The following NAA38 variants were observed in gnomAD, a reference collection of about 807,000 sequenced individuals.
The protein encoded by NAA38 is LSM domain containing 1.
NAA38 carries 15 observed loss-of-function variants against 12.6 expected under a neutral mutation model. The observed-to-expected ratio is 1.19, with a 90% CI of 0.79 to 1.83. NAA38 has a LOEUF of 1.83. Among genes scored for constraint, NAA38 ranks in the 40% most tolerant of loss-of-function variants. The probability of loss-of-function intolerance (pLI) is 0.00; values close to 1 mark genes in which losing one functional copy is unlikely to be tolerated. For missense variants in NAA38, 183 were observed against 171.7 expected (o/e 1.07, Z -0.37); for synonymous variants, 88 against 69.9 (o/e 1.26, Z -1.29).
upstream of NAA38, chr17:7,858,048 G>A: frequency 6.4e-7 from 1 of 1,561,774 alleles, no homozygotes; most frequent in African/African-American, 1.4e-5. Flanking sequence ...TCGGCTCCCG[G>A]ACGCGACGGA....
intron 2 of NAA38, among the ~76,000 whole-genome samples, chr17:7,870,169 G>A (rs1967061823): frequency 6.6e-6 from 1 of 152,142 alleles, no homozygotes; most frequent in South Asian, 2.1e-4. Context: ...AGCTGAGGTG[G>A]GAGGATTGCT....
chr17:7,875,128 G>A (rs78873445), intron 2 of NAA38, among the ~76,000 whole-genome samples: 1 of 151,868 alleles, frequency 6.6e-6, no homozygotes, highest in Non-Finnish European at 1.5e-5. Flanking sequence ...CTAGGAGTTC[G>A]AGGCTGCAGT....
intron 3 of NAA38, chr17:7,864,707 G>C (rs1966932826): frequency 6.6e-6 from 1 of 152,074 alleles, no homozygotes; most frequent in Non-Finnish European, 1.5e-5. Flanking sequence ...AGATAAGCCT[G>C]GCCAACACAG....
intron 2 of NAA38, among the ~76,000 whole-genome samples, chr17:7,882,694 A>G (rs1009748997): frequency 6.6e-6 from 1 of 152,230 alleles, no homozygotes; most frequent in Admixed American, 6.5e-5. Flanking sequence ...GTTAAAAAAA[A>G]AAGAGATGGA....
At chr17:7,881,049 G>A (rs1039441074) in intron 2 of NAA38, among the ~76,000 whole-genome samples, 1 of 152,126 alleles carries the variant, frequency 6.6e-6, no homozygotes, top group African/African-American at 2.4e-5. Flanking sequence ...GTAGGGAGGA[G>A]TACAGCAAAA....
At chr17:7,870,920 TCTCA>T (rs1967075577) in intron 2 of NAA38, among the ~76,000 whole-genome samples, 1 of 148,256 alleles carries the variant, frequency 6.7e-6, no homozygotes, top group African/African-American at 2.5e-5. Flanking sequence ...AGAAACGGGG[TCTCA>T]CTATGTTGCC....
intron 2 of NAA38, among the ~76,000 whole-genome samples, chr17:7,873,106 C>T (rs978419981): frequency 3.3e-5 from 5 of 152,132 alleles, no homozygotes; most frequent in Non-Finnish European, 7.4e-5. Flanking sequence ...TAGGGCTTCA[C>T]AAAAAGACTT....
upstream of NAA38, chr17:7,858,610 G>GC (rs1395219166): frequency 6.2e-6 from 10 of 1,605,160 alleles, no homozygotes; most frequent in Middle Eastern, 1.7e-4. Context: ...TTAAAGATCC[G>GC]CAAGCACATA....
intron 3 of NAA38, chr17:7,863,444 T>G (rs1458146800): frequency 6.6e-6 from 1 of 152,188 alleles, no homozygotes; most frequent in Admixed American, 6.5e-5. Flanking sequence ...GTGAGGTCCC[T>G]ACATGCCCAC....
At chr17:7,857,907 G>GC (rs2078843795), upstream of NAA38, 3 of 1,413,682 alleles carry the variant, frequency 2.1e-6, no homozygotes, top group African/African-American at 1.4e-5. Flanking sequence ...ATCCTTATAT[G>GC]CCCCACGCGG....
upstream of NAA38, chr17:7,858,648 T>G (rs760888876): frequency 7.5e-6 from 12 of 1,608,822 alleles, no homozygotes; most frequent in Non-Finnish European, 1.0e-5. Flanking sequence ...CCTGAGGTAC[T>G]GCACCCCGCG....
At chr17:7,860,808 CTTCT>C (rs1238927860), upstream of NAA38, 2 of 152,086 alleles carry the variant, frequency 1.3e-5, no homozygotes, top group Non-Finnish European at 2.9e-5. Flanking sequence ...ATTGGGGCTA[CTTCT>C]TTGTTAATCC....
intron 3 of NAA38, chr17:7,865,764 A>C (rs1484411013): frequency 6.6e-6 from 1 of 152,122 alleles, no homozygotes. Context: ...GATGCACTGG[A>C]GGTAAAAGGG....
intron 3 of NAA38, chr17:7,866,360 G>A (rs1252981445): frequency 2.3e-5 from 13 of 571,898 alleles, no homozygotes; most frequent in South Asian, 8.9e-5. Flanking sequence ...CGCCCGCCTC[G>A]GCCTCCCAGA....
chr17:7,885,043 G>A (rs1044723012), intron 1 of NAA38: 35 of 1,088,740 alleles, frequency 3.2e-5, no homozygotes, highest in East Asian at 5.4e-5. Context: ...CGCCGCCGCC[G>A]CCGCCACCGC....
At chr17:7,858,167 CTT>C (rs2078847995), upstream of NAA38, 27 of 1,613,792 alleles carry the variant, frequency 1.7e-5, no homozygotes, top group Non-Finnish European at 2.2e-5. Flanking sequence ...CTGGGCCAGA[CTT>C]GGAGTATTTT....
chr17:7,882,521 A>C (rs1196891804), intron 2 of NAA38, among the ~76,000 whole-genome samples: 3 of 152,108 alleles, frequency 2.0e-5, no homozygotes, highest in Non-Finnish European at 4.4e-5. Flanking sequence ...AATAGAGAGA[A>C]GCCCACAATA....
chr17:7,881,851 T>TAG (rs551499066), intron 2 of NAA38, among the ~76,000 whole-genome samples: 4 of 147,802 alleles, frequency 2.7e-5, no homozygotes, highest in Non-Finnish European at 4.5e-5. Flanking sequence ...GACAGATGGC[T>TAG]AGAGAGAGAG....
chr17:7,874,976 G>A (rs1021662596), intron 2 of NAA38, among the ~76,000 whole-genome samples: 2 of 151,162 alleles, frequency 1.3e-5, no homozygotes, highest in Non-Finnish European at 1.5e-5. Context: ...TGGGAGGATC[G>A]CTTGAGGCCA....
Sources: gnomAD v4.1 joint callset for allele counts (sites outside exome capture counted in the v4.1 genomes callset) on GRCh38, gnomAD v4.1.1 for gene constraint, MANE v1.5 for transcripts, NCBI Gene and HGNC (gene_info 2026-07-23, HGNC 2026-07-21) for gene names.